The following HAO2 variants were observed in gnomAD, a reference collection of about 807,000 sequenced individuals.
HAO2 encodes hydroxyacid oxidase 2, also known as 2-Hydroxyacid oxidase 2.
Under a neutral mutation model 37.4 loss-of-function variants are expected in HAO2, and 42 were observed. The ratio of observed to expected loss-of-function variants is 1.12; its 90% CI spans 0.88 to 1.45. The LOEUF is 1.45. Ranked by LOEUF, HAO2 falls within the 40% of genes most tolerant of loss-of-function variation. The pLI is 0.00. For missense variants in HAO2, 476 were observed against 430.2 expected (o/e 1.11, Z -0.94); for synonymous variants, 180 against 162.8 (o/e 1.11, Z -0.81).
chr1:119,385,632 G>A, intron 4 of HAO2: 2 of 985,250 alleles, frequency 2.0e-6, no homozygotes, highest in Non-Finnish European at 2.4e-6. Flanking sequence ...TGACTACAAA[G>A]GGGACCTTCC....
chr1:119,387,506 A>T (rs1181517144), intron 5 of HAO2, among the ~76,000 whole-genome samples: 3 of 152,226 alleles, frequency 2.0e-5, no homozygotes, highest in Non-Finnish European at 4.4e-5. Flanking sequence ...TGTTCACTGC[A>T]GATAAATTAG....
At chr1:119,390,921 A>G (rs587698959) in intron 5 of HAO2, among the ~76,000 whole-genome samples, 2 of 152,240 alleles carry the variant, frequency 1.3e-5, no homozygotes, top group Admixed American at 1.3e-4. Context: ...CTCAGATACT[A>G]TAGTTTGAAA....
chr1:119,380,631 A>T, intron 1 of HAO2: 2 of 1,186,240 alleles, frequency 1.7e-6, no homozygotes, highest in Non-Finnish European at 2.5e-6. Flanking sequence ...TGACGTGGGC[A>T]CATTGAAAGA....
At chr1:119,383,198 G>A (rs1650101342) in intron 3 of HAO2, 132 bp downstream of exon 3, 2 of 599,886 alleles carry the variant, frequency 3.3e-6, no homozygotes. Flanking sequence ...AGGCAGGAAA[G>A]GGAATGCTTA....
intron 1 of HAO2, chr1:119,380,823 T>A: frequency 1.3e-6 from 1 of 791,632 alleles, no homozygotes; most frequent in Non-Finnish European, 2.1e-6. Context: ...GGAGAAGATA[T>A]AAGAAATACT....
chr1:119,380,332 A>G (rs1649817608), intron 1 of HAO2, among the ~76,000 whole-genome samples: 1 of 152,226 alleles, frequency 6.6e-6, no homozygotes, highest in Non-Finnish European at 1.5e-5. Flanking sequence ...GAAGATGGGA[A>G]TAAATGGAGC....
intron 5 of HAO2, among the ~76,000 whole-genome samples, chr1:119,389,442 T>G (rs998571930): frequency 1.3e-5 from 2 of 151,548 alleles, no homozygotes; most frequent in African/African-American, 4.8e-5. Context: ...GTTCACTGCA[T>G]CCACATGAAC....
At chr1:119,376,266 A>T (rs1469850247) in intron 1 of HAO2, among the ~76,000 whole-genome samples, 1 of 152,232 alleles carries the variant, frequency 6.6e-6, no homozygotes, top group African/African-American at 2.4e-5. Context: ...CAAGTCTAAA[A>T]TCCAGCAGAG....
Position 119,392,611 on chromosome 1 carries a change from G to A in HAO2, c.931-7G>A, listed in dbSNP as rs775902049. ...TTTGTGTCTCTGTCTGTCTGCCTCG[G>A]GAGCAGGGTGAACATGGTGTTAAGG... On this transcript the variant is annotated splice_region_variant and splice_polypyrimidine_tract_variant and intron_variant, in intron 6 of 7. Transcript: ENST00000325945. 2.6e-5 allele frequency: 41 copies of A among 1,594,056 alleles called. No homozygotes were observed. Among genetic ancestry groups the A allele is most frequent in the Non-Finnish European group, 3.3e-5 (38 of 1,162,008 alleles).
chr1:119,371,813 A>G (rs1348460612), intron 1 of HAO2, among the ~76,000 whole-genome samples: 1 of 152,192 alleles, frequency 6.6e-6, no homozygotes, highest in Non-Finnish European at 1.5e-5. Context: ...TATTGTCGTT[A>G]TTATTATTCA....
chr1:119,372,987 A>C (rs1218918680), intron 1 of HAO2, among the ~76,000 whole-genome samples: 4 of 152,216 alleles, frequency 2.6e-5, no homozygotes, highest in African/African-American at 7.2e-5. Flanking sequence ...CTTCAAATCT[A>C]TCATGGATTA....
intron 4 of HAO2, 25 bp from the exon 5 acceptor site, chr1:119,386,597 T>C: frequency 7.0e-7 from 1 of 1,433,988 alleles, no homozygotes; most frequent in East Asian, 2.3e-5. Context: ...AGCTCAGGAC[T>C]AAGTTCCCTT....
chr1:119,382,048 C>T (rs978816743), intron 2 of HAO2, among the ~76,000 whole-genome samples: 1 of 152,088 alleles, frequency 6.6e-6, no homozygotes, highest in South Asian at 2.1e-4. Context: ...ATACAGAGGT[C>T]AGGAGAAAAC....
intron 4 of HAO2, chr1:119,385,926 C>T (rs587718777): frequency 3.1e-6 from 3 of 974,176 alleles, no homozygotes; most frequent in East Asian, 2.3e-4. Context: ...TTTAGTATTG[C>T]TTAGTTCTTA....
intron 5 of HAO2, among the ~76,000 whole-genome samples, chr1:119,389,166 A>ACACGTATATATATATG (rs1476553018): frequency 1.0e-5 from 1 of 98,766 alleles, no homozygotes; most frequent in Non-Finnish European, 2.1e-5. Flanking sequence ...ATATATATAT[A>ACACGTATATATATATG]TACACCACAG....
intron 3 of HAO2, 62 bp from the exon 4 acceptor site, chr1:119,384,714 G>A (rs1249646085): frequency 7.0e-7 from 1 of 1,425,294 alleles, no homozygotes; most frequent in South Asian, 1.3e-5. Context: ...AGACTCCCAA[G>A]GTTTTCAGCC....
chr1:119,383,380 A>T (rs1314186340), intron 3 of HAO2, among the ~76,000 whole-genome samples: 1 of 152,132 alleles, frequency 6.6e-6, no homozygotes, highest in Non-Finnish European at 1.5e-5. Context: ...AGGGAAAGGG[A>T]TGCTTAACGC....
intron 1 of HAO2, among the ~76,000 whole-genome samples, chr1:119,379,859 G>A (rs1252313267): frequency 1.3e-5 from 2 of 152,042 alleles, no homozygotes; most frequent in Non-Finnish European, 2.9e-5. Flanking sequence ...TTGACTTGAG[G>A]TATCCTCAAG....
chr1:119,384,256 A>T (rs990867432), intron 3 of HAO2, among the ~76,000 whole-genome samples: 26 of 152,192 alleles, frequency 1.7e-4, no homozygotes, highest in African/African-American at 5.3e-4. Context: ...TCCTAAAGAC[A>T]TGTATTATTA....
Sources: allele counts gnomAD v4.1 joint callset (sites outside exome capture counted in the v4.1 genomes callset), GRCh38; gene constraint gnomAD v4.1.1; transcripts MANE v1.5; gene names NCBI Gene and HGNC (gene_info 2026-07-23, HGNC 2026-07-21).